Variants in CTNND2 observed in about 807,000 individuals in gnomAD.
CTNND2 encodes catenin delta-2.
CTNND2 carries 22 observed loss-of-function variants against 144.4 expected under a neutral mutation model. The observed-to-expected ratio is 0.15, with a 90% CI of 0.11 to 0.22. The LOEUF (loss-of-function observed/expected upper bound fraction) is 0.22. Ranked by LOEUF, CTNND2 falls within the 10% of genes least tolerant of loss-of-function variation. The pLI, the probability that CTNND2 is intolerant of heterozygous loss-of-function variation, is 1.00. For synonymous variants in CTNND2, 751 were observed against 695.6 expected (o/e 1.08, Z -1.25); for missense variants, 1,353 against 1,618.8 (o/e 0.84, Z 2.82).
At position 11,863,407 on chromosome 5, in the gene CTNND2, C is replaced by G. The variant is rs184893889; in HGVS notation, c.37+40410G>C. 2.6e-3 allele frequency among the ~76,000 whole-genome samples: 390 copies of G among 152,274 alleles called. 4 individuals carry two copies. Among genetic ancestry groups the G allele is most frequent in the Non-Finnish European group, 4.5e-3 (305 of 68,016 alleles). ...CACACCAGGACCTCATGCACAATAG[C>G]TTCCTTAGCTTAGGAACCAATTATT... On this transcript the variant is annotated intron_variant, in intron 1 of 21. Transcript: ENST00000304623.
chr5:11,206,605 A>C (rs1336552514), intron 10 of CTNND2, among the ~76,000 whole-genome samples: 2 of 152,238 alleles, frequency 1.3e-5, no homozygotes, highest in African/African-American at 2.4e-5. Context: ...ATTACAAAGA[A>C]TGCCTCCAGT....
Position 10,973,755 on chromosome 5 carries a change from C to T in CTNND2, c.3418-42G>A, listed in dbSNP as rs2149476311. ...AGCCACACTGGGTTACTTGGTTTCC[C>T]TTGACTCAGCCTGCCTCTTGCCCCG... On this transcript the variant is annotated intron_variant, in intron 21 of 21. Transcript: ENST00000304623. This position sits in a 1 kb window ranked among gnomAD's most constrained non-coding sequence, Gnocchi z 5.6. 1.3e-6 allele frequency: 2 copies of T among 1,541,270 alleles called. No homozygotes were observed. Among genetic ancestry groups the T allele is most frequent in the Admixed American group, 2.0e-5 (1 of 50,842 alleles).
intron 20 of CTNND2, among the ~76,000 whole-genome samples, chr5:10,985,097 A>AATAAATAAATAC: frequency 6.6e-6 from 1 of 151,906 alleles, no homozygotes. Context: ...TAAATAAATA[A>AATAAATAAATAC]ATAAATAAAT....
At chr5:11,569,339 T>C (rs983317070) in intron 2 of CTNND2, among the ~76,000 whole-genome samples, 3 of 152,228 alleles carry the variant, frequency 2.0e-5, no homozygotes, top group Non-Finnish European at 2.9e-5. Flanking sequence ...ATTGGAGATA[T>C]GATGCAAAAG....
At chr5:11,602,748 A>T (rs1156407931) in intron 2 of CTNND2, among the ~76,000 whole-genome samples, 1 of 146,128 alleles carries the variant, frequency 6.8e-6, no homozygotes, top group African/African-American at 2.5e-5. Flanking sequence ...AATATTATAT[A>T]TAATAGATAT....
intron 2 of CTNND2, among the ~76,000 whole-genome samples, chr5:11,704,363 T>C (rs1350682059): frequency 1.3e-5 from 2 of 152,232 alleles, no homozygotes; most frequent in Non-Finnish European, 2.9e-5. Context: ...CATACCATTT[T>C]TCACTTCGGT....
At chr5:11,375,286 C>T (rs1347167998) in intron 7 of CTNND2, among the ~76,000 whole-genome samples, 1 of 152,150 alleles carries the variant, frequency 6.6e-6, no homozygotes, top group African/African-American at 2.4e-5. Flanking sequence ...AAAAGACACC[C>T]TAACTCTCAA....
chr5:11,739,648 G>T (rs1490288394), intron 1 of CTNND2, among the ~76,000 whole-genome samples: 1 of 152,162 alleles, frequency 6.6e-6, no homozygotes, highest in Non-Finnish European at 1.5e-5. Context: ...AGACAAGGAT[G>T]CCCTCTCTCA....
intron 2 of CTNND2, among the ~76,000 whole-genome samples, chr5:11,599,308 AAATT>A (rs1265144718): frequency 6.6e-6 from 1 of 152,194 alleles, no homozygotes; most frequent in African/African-American, 2.4e-5. Flanking sequence ...AAACTAAAAA[AAATT>A]AATAATAAGG....
chr5:11,412,029 CA>C lies in CTNND2; in HGVS notation c.322+5del. 2 of 1,607,978 alleles carry C rather than the reference CA, an allele frequency of 1.2e-6. No individual in the cohort carries two copies. The highest frequency in any genetic ancestry group is 8.5e-7 in the Non-Finnish European group (1 of 1,174,598). On this transcript the variant is annotated splice_donor_5th_base_variant and intron_variant, in intron 4 of 21. Transcript: ENST00000304623. ...TGTAAGTGTTCATCAATAAGATAGACATTACCTTGTGACTGCCACTGAAACT... is the reference window on the plus strand; with the variant it reads ...TGTAAGTGTTCATCAATAAGATAGACTTACCTTGTGACTGCCACTGAAACT...
chr5:11,747,491 A>T (rs896038475), intron 1 of CTNND2, among the ~76,000 whole-genome samples: 6 of 152,158 alleles, frequency 3.9e-5, no homozygotes, highest in Non-Finnish European at 8.8e-5. Flanking sequence ...GTCACTGCCA[A>T]ATGTCTCAGG....
At chr5:11,829,382 G>A (rs1324730966) in intron 1 of CTNND2, among the ~76,000 whole-genome samples, 1 of 152,158 alleles carries the variant, frequency 6.6e-6, no homozygotes. Context: ...GGTCTAGGAG[G>A]AAAAAGTGGT....
intron 9 of CTNND2, among the ~76,000 whole-genome samples, chr5:11,247,962 G>T (rs1185303867): frequency 6.6e-6 from 1 of 152,102 alleles, no homozygotes; most frequent in Non-Finnish European, 1.5e-5. Context: ...GAATTTAGTT[G>T]CCCTGGAAAT....
chr5:11,179,755 A>G (rs539575496), intron 11 of CTNND2, among the ~76,000 whole-genome samples: 73 of 152,212 alleles, frequency 4.8e-4, no homozygotes, highest in Admixed American at 2.0e-4. Context: ...TGGATATTAT[A>G]TAATATTTAA....
At chr5:11,889,920 T>A (rs1736831772) in intron 1 of CTNND2, among the ~76,000 whole-genome samples, 1 of 152,202 alleles carries the variant, frequency 6.6e-6, no homozygotes, top group Non-Finnish European at 1.5e-5. Flanking sequence ...TATAGTCTTT[T>A]AAAATATTCT....
At chr5:11,788,507 G>A (rs748237100) in intron 1 of CTNND2, among the ~76,000 whole-genome samples, 1 of 152,074 alleles carries the variant, frequency 6.6e-6, no homozygotes, top group Non-Finnish European at 1.5e-5. Flanking sequence ...ACCACATTAA[G>A]ACAACAGCAC....
At chr5:11,354,734 C>T (rs932389683) in intron 8 of CTNND2, among the ~76,000 whole-genome samples, 70 of 152,256 alleles carry the variant, frequency 4.6e-4, no homozygotes, top group East Asian at 2.3e-3. Context: ...ACTTAAACTA[C>T]GCTCCAGACC....
chr5:11,114,089 G>A (rs11954029), intron 13 of CTNND2, among the ~76,000 whole-genome samples: 17,784 of 151,062 alleles, frequency 0.12, 1,681 homozygotes, highest in East Asian at 0.45. Flanking sequence ...AACTCAGGGC[G>A]ATGCATGAAA....
At chr5:11,397,882 G>A (rs1760286753) in intron 5 of CTNND2, among the ~76,000 whole-genome samples, 2 of 152,102 alleles carry the variant, frequency 1.3e-5, no homozygotes, top group South Asian at 4.1e-4. Flanking sequence ...TCAGTTTCTG[G>A]TCTTACTTAA....
Sources: allele counts gnomAD v4.1 joint callset (sites outside exome capture counted in the v4.1 genomes callset), GRCh38; gene constraint gnomAD v4.1.1; non-coding constraint Gnocchi (gnomAD v3.1); transcripts MANE v1.5; gene names NCBI Gene and HGNC (gene_info 2026-07-23, HGNC 2026-07-21).